Variants in NAA25 observed in about 807,000 individuals in gnomAD.
The protein encoded by NAA25 is N-terminal acetyltransferase B complex subunit NAA25.
Under a neutral mutation model 132.5 loss-of-function variants are expected in NAA25, and 30 were observed. That is an observed-to-expected ratio of 0.23 (90% CI 0.17 to 0.31). NAA25 has a LOEUF of 0.31. Among genes scored for constraint, NAA25 ranks in the 10% least tolerant of loss-of-function variants. NAA25 has a pLI of 1.00. For synonymous variants in NAA25, 359 were observed against 401.9 expected, an observed-to-expected ratio of 0.89 and a Z score of 1.28; for missense variants, 771 against 1,150.4, an observed-to-expected ratio of 0.67 and a Z score of 4.77.
intron 13 of NAA25, among the ~76,000 whole-genome samples, chr12:112,059,893 C>T (rs113813221): frequency 6.1e-4 from 93 of 151,836 alleles, no homozygotes; most frequent in African/African-American, 1.2e-3. Context: ...CTGCAACCTC[C>T]GCCTCCCAAG....
chr12:112,101,675 T>A (rs545707092), intron 1 of NAA25, among the ~76,000 whole-genome samples: 4 of 151,842 alleles, frequency 2.6e-5, no homozygotes, highest in African/African-American at 4.8e-5. Context: ...GAGAATCACT[T>A]GAATCCAGGA....
Position 112,078,253 on chromosome 12 carries a change from T to C in NAA25, c.599A>G (p.Tyr200Cys). The C allele has an allele frequency of 6.2e-7, 1 of 1,607,780 alleles. No individual in the cohort carries two copies. The highest frequency in any genetic ancestry group is 8.5e-7 in the Non-Finnish European group (1 of 1,177,610). Residue 200 changes from tyrosine (Y) to cysteine (C), a missense_variant, in exon 7 of 24, where the codon TAT becomes TGT. By Grantham distance (194) the Tyr-to-Cys change is radical. This residue lies in a region of NAA25 where 417 missense variants were observed against 733.8 expected (regional missense o/e 0.57). Coordinates refer to ENST00000261745, the MANE Select transcript of NAA25 (RefSeq NM_024953.4). ...CTTTCCCAAACGTTCCAGGATCATA[T>C]AATAAAGTTCAACCTTACAGAAAAA... The part of the protein sequence containing the change: ...IEAEAEVELY[Y>C]MILERLGKYQ...
intron 2 of NAA25, 114 bp downstream of exon 2, chr12:112,092,937 A>G (rs2079157615): frequency 1.6e-6 from 1 of 630,026 alleles, no homozygotes; most frequent in East Asian, 3.1e-5. Flanking sequence ...CGGCCTCCCA[A>G]AGTACTGGGA....
intron 3 of NAA25, among the ~76,000 whole-genome samples, chr12:112,089,597 A>C (rs936894191): frequency 6.6e-6 from 1 of 152,198 alleles, no homozygotes; most frequent in African/African-American, 2.4e-5. Context: ...CTAATAATGT[A>C]TTACTAAGAG....
intron 1 of NAA25, among the ~76,000 whole-genome samples, chr12:112,106,835 C>G (rs1156781564): frequency 6.6e-6 from 1 of 151,796 alleles, no homozygotes; most frequent in Non-Finnish European, 1.5e-5. Flanking sequence ...CACCTGTAAT[C>G]CCAGCTACTC....
chr12:112,037,125 T>C (rs1032070959), intron 22 of NAA25, among the ~76,000 whole-genome samples: 8 of 151,722 alleles, frequency 5.3e-5, no homozygotes, highest in Non-Finnish European at 1.0e-4. Flanking sequence ...GATGAGGACA[T>C]GTTAAAGGAC....
chr12:112,057,525 A>C (rs1382525044), intron 13 of NAA25, among the ~76,000 whole-genome samples: 1 of 152,200 alleles, frequency 6.6e-6, no homozygotes, highest in Non-Finnish European at 1.5e-5. Flanking sequence ...TCTGATGACA[A>C]GGATTTCACT....
chr12:112,071,689 C>T (rs936140339), intron 10 of NAA25, among the ~76,000 whole-genome samples: 38 of 152,136 alleles, frequency 2.5e-4, no homozygotes, highest in African/African-American at 8.7e-4. Flanking sequence ...TCTGACGGAA[C>T]AGGGAGATAA....
Position 112,029,616 on chromosome 12 carries a change from A to C in NAA25, c.2834T>G (p.Val945Gly). ...RKFSKTVQGK[V>G]QSSYLHSLLE... ...AAGTGAGTGCAGATAACTGCTCTGC[A>C]CCTTCCCTTGCACAGTCTTTGAAAA... The change falls in exon 24 of 24, where the codon GTG becomes GGG. Residue 945 changes from valine (V) to glycine (G), a missense_variant. By Grantham distance (109) the Val-to-Gly change is moderately radical. This residue lies in a region of NAA25 where 324 missense variants were observed against 400.0 expected (regional missense o/e 0.81). Coordinates refer to ENST00000261745, the MANE Select transcript of NAA25 (RefSeq NM_024953.4). The C allele has an allele frequency of 6.2e-7, 1 of 1,613,876 alleles. No individual in the cohort carries two copies. The highest frequency in any genetic ancestry group is 8.5e-7 in the Non-Finnish European group (1 of 1,179,940).
rs759862349 is a variant in NAA25, at chr12:112,033,234, G to T, written c.2795C>A (p.Pro932Gln). 2 of 1,605,194 alleles carry T rather than the reference G, an allele frequency of 1.2e-6. No homozygotes were observed. The highest frequency in any genetic ancestry group is 2.2e-5 in the South Asian group (2 of 89,368). The change falls in exon 23 of 24, where the codon CCG becomes CAG. Residue 932 changes from proline (P) to glutamine (Q), a missense_variant and splice_region_variant. Physicochemically the swap from Pro to Gln is moderately conservative, Grantham distance 76. This residue lies in a region of NAA25 where 324 missense variants were observed against 400.0 expected (regional missense o/e 0.81). Transcript: ENST00000261745. ...ELILEDTSLS[P>Q]EERKFSKTVQ... ...TGCCGATTGCCTACAATCTCTTACC[G>T]GTGAGAGAGAAGTGTCTTCTAAAAT...
intron 7 of NAA25, among the ~76,000 whole-genome samples, chr12:112,077,660 A>AAG (rs1251101588): frequency 7.9e-5 from 12 of 152,044 alleles, no homozygotes; most frequent in Admixed American, 3.3e-4. Flanking sequence ...GTATGGGTAT[A>AAG]AGAGTATGCA....
chr12:112,098,045 C>G (rs1181764824), intron 1 of NAA25, among the ~76,000 whole-genome samples: 1 of 135,548 alleles, frequency 7.4e-6, no homozygotes, highest in Non-Finnish European at 1.5e-5. Flanking sequence ...CACTTGAACC[C>G]GGGAGGCGGA....
chr12:112,042,126 T>C, intron 19 of NAA25, 22 bp from the exon 20 acceptor site: 1 of 1,265,812 alleles, frequency 7.9e-7, no homozygotes, highest in Non-Finnish European at 1.1e-6. Flanking sequence ...AAACAAAAAA[T>C]GAAAAACTTT....
At chr12:112,081,184 G>T in intron 4 of NAA25, 50 bp from the exon 5 acceptor site, 1 of 1,467,232 alleles carries the variant, frequency 6.8e-7, no homozygotes, top group Non-Finnish European at 9.5e-7. Flanking sequence ...TACAGAAGGG[G>T]ATTAATGATC....
chr12:112,100,671 G>A (rs1422962950), intron 1 of NAA25, among the ~76,000 whole-genome samples: 1 of 142,750 alleles, frequency 7.0e-6, no homozygotes, highest in Non-Finnish European at 1.5e-5. Context: ...CCAGGCTGGA[G>A]TGCAGTGGCT....
intron 9 of NAA25, among the ~76,000 whole-genome samples, chr12:112,073,500 G>C (rs1447119443): frequency 6.6e-6 from 1 of 152,030 alleles, no homozygotes; most frequent in Non-Finnish European, 1.5e-5. Flanking sequence ...GCAGTGGCAC[G>C]ATCTCGGCTC....
At chr12:112,104,707 G>A (rs1329369701) in intron 1 of NAA25, among the ~76,000 whole-genome samples, 1 of 151,882 alleles carries the variant, frequency 6.6e-6, no homozygotes, top group Non-Finnish European at 1.5e-5. Context: ...GTGGTGGCGG[G>A]CGCCTGTATT....
rs2078433267 is a variant in NAA25, at chr12:112,049,599, T to C, written c.1729-1156A>G. ...CCCATGGGACACCTCGGCGAGCTGT[T>C]TGCCTGCAGTATCTGGAGAAATTAA... On this transcript the variant is annotated intron_variant, in intron 15 of 23. Coordinates refer to ENST00000261745, the MANE Select transcript of NAA25 (RefSeq NM_024953.4). The surrounding 1 kb of genome is among the most constrained non-coding windows in gnomAD (Gnocchi z 4.7). The C allele has an allele frequency of 1.0e-6, 1 of 985,636 alleles. No homozygotes were observed. Among genetic ancestry groups the C allele is most frequent in the African/African-American group, 1.7e-5 (1 of 57,228 alleles). 61.1% of individuals were successfully genotyped at this position (985,636 alleles called of 1,614,324 possible). A position where few individuals can be genotyped will look rare whatever the true frequency, so the allele number is the denominator to read the frequency against.
At chr12:112,069,377 G>C (rs1268091248) in intron 10 of NAA25, among the ~76,000 whole-genome samples, 1 of 152,020 alleles carries the variant, frequency 6.6e-6, no homozygotes, top group Non-Finnish European at 1.5e-5. Flanking sequence ...GGCAGCACAT[G>C]CTTGTAATCC....
Sources: gnomAD v4.1 joint callset for allele counts (sites outside exome capture counted in the v4.1 genomes callset) on GRCh38, gnomAD v4.1.1 for gene constraint, gnomAD v4.1.1 regional missense constraint, Gnocchi (gnomAD v3.1) non-coding constraint, MANE v1.5 for transcripts, NCBI Gene and HGNC (gene_info 2026-07-23, HGNC 2026-07-21) for gene names.